SMOC1: variants seen among roughly 807,000 people sequenced by gnomAD.
SMOC1 encodes SPARC-related modular calcium-binding protein 1.
SMOC1 carries 22 observed loss-of-function variants against 56.3 expected under a neutral mutation model. That is an observed-to-expected ratio of 0.39 (90% CI 0.28 to 0.56). The LOEUF is 0.56. SMOC1 is among the 20% of genes least tolerant of loss of function. The pLI, the probability that SMOC1 is intolerant of heterozygous loss-of-function variation, is 0.61. For missense variants in SMOC1, 509 were observed against 565.4 expected, an observed-to-expected ratio of 0.90 and a Z score of 1.01; for synonymous variants, 193 against 215.0, an observed-to-expected ratio of 0.90 and a Z score of 0.89.
At chr14:69,926,074 G>C (rs1230852133) in intron 1 of SMOC1, among the ~76,000 whole-genome samples, 1 of 150,326 alleles carries the variant, frequency 6.7e-6, no homozygotes, top group Admixed American at 6.6e-5. Flanking sequence ...CTCCTGAATT[G>C]GCTCCTGACT....
intron 3 of SMOC1, among the ~76,000 whole-genome samples, chr14:69,956,984 C>G (rs941100539): frequency 3.9e-5 from 6 of 151,980 alleles, no homozygotes; most frequent in African/African-American, 1.5e-4. Flanking sequence ...CTTCATCACT[C>G]TGTTTCTCGA....
intron 1 of SMOC1, among the ~76,000 whole-genome samples, chr14:69,897,046 A>G (rs1422891944): frequency 6.6e-6 from 1 of 152,186 alleles, no homozygotes; most frequent in Admixed American, 6.5e-5. Context: ...GATTTCTGGG[A>G]TCAGGGGTCA....
In SMOC1 at chr14:69,983,733, A is replaced by C. The variant is rs1246070125; in HGVS notation, c.526+5768A>C. Among the ~76,000 whole-genome samples the C allele has an allele frequency of 2.0e-5, 3 of 152,338 alleles. No individual in the cohort carries two copies. In the South Asian group the frequency reaches 6.2e-4, roughly 32 times the overall value. On this transcript the variant is annotated intron_variant, in intron 5 of 11. Transcript: ENST00000361956. ...GAGAGGGCTCAGAGCTTGTCAGGCC[A>C]ATGAGAGTATGTTCATTTGCTCCCT...
chr14:69,901,517 G>T (rs1884241427), intron 1 of SMOC1, among the ~76,000 whole-genome samples: 1 of 152,206 alleles, frequency 6.6e-6, no homozygotes, highest in Admixed American at 6.5e-5. Flanking sequence ...GATTTTATGA[G>T]TTGGCCTATA....
intron 9 of SMOC1, among the ~76,000 whole-genome samples, chr14:70,012,391 T>G (rs912508341): frequency 6.6e-6 from 1 of 152,218 alleles, no homozygotes; most frequent in Non-Finnish European, 1.5e-5. Context: ...AAAGTTGACA[T>G]GAGACTTACA....
At chr14:70,000,484 T>C (rs373321502) in intron 7 of SMOC1, among the ~76,000 whole-genome samples, 1 of 152,250 alleles carries the variant, frequency 6.6e-6, no homozygotes, top group African/African-American at 2.4e-5. Flanking sequence ...GTGAAGTATT[T>C]CATATTCTTT....
Position 70,004,133 on chromosome 14 carries a change from TC to T in SMOC1, c.665-6620del, listed in dbSNP as rs59063703. On this transcript the variant is annotated intron_variant, in intron 7 of 11. Coordinates refer to ENST00000361956, the MANE Select transcript of SMOC1 (RefSeq NM_001034852.3). ...CAAACGAGCCTCCACTGGGAGAGCT[TC>T]TGATTCTTTCTCCAGGAAGACTGCA... Among the ~76,000 whole-genome samples, 758 of 152,308 alleles carry T rather than the reference TC, an allele frequency of 5.0e-3. 4 individuals carry two copies. The highest frequency in any genetic ancestry group is 0.017 in the African/African-American group (698 of 41,570).
intron 1 of SMOC1, among the ~76,000 whole-genome samples, chr14:69,937,221 A>T (rs1360866867): frequency 6.6e-6 from 1 of 152,158 alleles, no homozygotes; most frequent in East Asian, 1.9e-4. Context: ...TGCTTAACAG[A>T]TGGGATCTGC....
chr14:69,943,786 C>G (rs960502093), intron 1 of SMOC1, among the ~76,000 whole-genome samples: 2 of 152,206 alleles, frequency 1.3e-5, no homozygotes, highest in African/African-American at 4.8e-5. Flanking sequence ...AACATCCCCT[C>G]TCTTGGGAGA....
In SMOC1 at chr14:70,031,440, C is replaced by T. The variant is rs928513828; in HGVS notation, c.*1182C>T. ...GGTGGGTTGGGGGAGGTGTCAGTCA[C>T]CTTGTTGGTAACACTAAAGTTGTTT... On this transcript the variant is annotated 3_prime_UTR_variant, in exon 12 of 12. Coordinates refer to ENST00000361956, the MANE Select transcript of SMOC1 (RefSeq NM_001034852.3). The T allele has an allele frequency of 6.6e-6, 1 of 152,156 alleles. No homozygotes were observed. The highest frequency in any genetic ancestry group is 2.4e-5 in the African/African-American group (1 of 41,424). The allele number at this position is 152,156 out of a possible 1,614,324, so 9.4% of individuals were successfully genotyped here.
rs763263039 is a variant in SMOC1, at chr14:70,023,074, T to C, written c.1047-129T>C. The C allele has an allele frequency of 6.3e-4, 903 of 1,422,924 alleles. 2 individuals are homozygous for C. The highest frequency in any genetic ancestry group is 7.2e-4 in the Non-Finnish European group (729 of 1,011,016). 88.1% of individuals were successfully genotyped at this position (1,422,924 alleles called of 1,614,324 possible). A position where few individuals can be genotyped will look rare whatever the true frequency, so the allele number is the denominator to read the frequency against. On this transcript the variant is annotated intron_variant, in intron 10 of 11. Coordinates refer to ENST00000361956, the MANE Select transcript of SMOC1 (RefSeq NM_001034852.3). ...TTAACGTTGCCACAGGCTGAGCCGCTGTGGGTGGACTTTGGCTTGGAGGAG... is the reference window on the plus strand; with the variant it reads ...TTAACGTTGCCACAGGCTGAGCCGCCGTGGGTGGACTTTGGCTTGGAGGAG...
At chr14:69,976,437 T>C (rs987628969) in intron 4 of SMOC1, among the ~76,000 whole-genome samples, 2 of 152,230 alleles carry the variant, frequency 1.3e-5, no homozygotes. Context: ...GGTCTTTGTT[T>C]TTATGAAGTC....
At chr14:69,902,742 G>T (rs12891712) in intron 1 of SMOC1, among the ~76,000 whole-genome samples, 101,386 of 151,674 alleles carry the variant, frequency 0.67, 38,544 homozygotes, top group East Asian at 0.91. Flanking sequence ...TCAGCCTGCC[G>T]AGTGCCTGCG....
At position 69,941,077 on chromosome 14, in the gene SMOC1, A is replaced by G. The variant is rs571500911; in HGVS notation, c.100-11061A>G. 7.2e-5 allele frequency among the ~76,000 whole-genome samples: 11 copies of G among 152,174 alleles called. 1 individual carries two copies. In the East Asian group the frequency reaches 1.9e-3, roughly 27 times the overall value. ...TAGGACTCCACTCATGCAAAGAAGT[A>G]TTTTGATCTCCACTTGTCCTCCTTT... On this transcript the variant is annotated intron_variant, in intron 1 of 11. Transcript: ENST00000361956.
chr14:69,988,302 A>C (rs201371035), intron 5 of SMOC1, among the ~76,000 whole-genome samples: 1 of 120,524 alleles, frequency 8.3e-6, no homozygotes, highest in Non-Finnish European at 1.8e-5. Context: ...TTTTTTTTTC[A>C]GTGTTTATCC....
chr14:69,941,704 A>C (rs1250719021), intron 1 of SMOC1, among the ~76,000 whole-genome samples: 1 of 152,100 alleles, frequency 6.6e-6, no homozygotes, highest in Admixed American at 6.5e-5. Flanking sequence ...TCTCTCCCCA[A>C]CCTGGCCCTA....
intron 1 of SMOC1, among the ~76,000 whole-genome samples, chr14:69,943,037 C>T (rs568770764): frequency 1.4e-5 from 2 of 140,748 alleles, no homozygotes; most frequent in African/African-American, 5.2e-5. Flanking sequence ...GGAGGGAAGT[C>T]GGGTGGGTGG....
intron 1 of SMOC1, among the ~76,000 whole-genome samples, chr14:69,924,642 T>TAA (rs879817455): frequency 3.4e-5 from 5 of 148,148 alleles, no homozygotes; most frequent in Non-Finnish European, 7.5e-5. Flanking sequence ...GTAGAGGAGT[T>TAA]AGGGAGGTAG....
At chr14:70,027,906 G>A (rs1399665895) in intron 11 of SMOC1, among the ~76,000 whole-genome samples, 2 of 152,150 alleles carry the variant, frequency 1.3e-5, no homozygotes, top group Non-Finnish European at 2.9e-5. Context: ...TCTGCAGGGC[G>A]GCAGAAAAAA....
Sources: allele counts gnomAD v4.1 joint callset (sites outside exome capture counted in the v4.1 genomes callset), GRCh38; gene constraint gnomAD v4.1.1; transcripts MANE v1.5; gene names NCBI Gene and HGNC (gene_info 2026-07-23, HGNC 2026-07-21).